Variants in DPYSL2 observed in about 807,000 individuals in gnomAD.
DPYSL2 encodes the protein dihydropyrimidinase like 2.
A neutral mutation model predicts 69.9 loss-of-function variants in DPYSL2; 13 were observed. That is an observed-to-expected ratio of 0.19 (90% confidence interval 0.12 to 0.30). DPYSL2 has a LOEUF of 0.30. Among genes scored for constraint, DPYSL2 ranks in the 10% least tolerant of loss-of-function variants. The pLI, the probability that DPYSL2 is intolerant of heterozygous loss-of-function variation, is 1.00. For synonymous variants in DPYSL2, 326 were observed against 359.1 expected (o/e 0.91, Z 1.04); for missense variants, 587 against 918.9 (o/e 0.64, Z 4.67).
Position 26,652,539 on chromosome 8 carries a change from AG to A in DPYSL2, c.1776+104del. ...TGAGACAGAATATTAAGATGAATTTAGTGGATTCCAGGGATAAGAGGGAGCC... is the reference window on the plus strand; with the variant it reads ...TGAGACAGAATATTAAGATGAATTTATGGATTCCAGGGATAAGAGGGAGCC... On this transcript the variant is annotated intron_variant, in intron 12 of 13. Coordinates refer to ENST00000521913, the MANE Select transcript of DPYSL2 (RefSeq NM_001197293.3). This position sits in a 1 kb window ranked among gnomAD's most constrained non-coding sequence, Gnocchi z 6.3. 1 of 1,283,402 alleles carries A rather than the reference AG, an allele frequency of 7.8e-7. No individual in the cohort carries two copies. Among genetic ancestry groups the A allele is most frequent in the South Asian group, 1.5e-5 (1 of 66,886 alleles). 79.5% of individuals were successfully genotyped at this position (1,283,402 alleles called of 1,614,324 possible).
intron 1 of DPYSL2, among the ~76,000 whole-genome samples, chr8:26,519,180 C>T (rs997674946): frequency 6.6e-6 from 1 of 152,148 alleles, no homozygotes; most frequent in African/African-American, 2.4e-5. Context: ...AGACAGGCCA[C>T]GTATTCCAGG....
rs61360009 is a variant in DPYSL2 at position 26,546,921 on chromosome 8, C to CAAAAAAAAAAAAA, written c.354+32260_354+32272dup. ...TGGGCGACTGAGGGAGACTCAGTCT[C>CAAAAAAAAAAAAA]AAAAAAAAAAAAAAAAAAAAAAAAA... On this transcript the variant is annotated intron_variant, in intron 1 of 13. Transcript: ENST00000521913. Among the ~76,000 whole-genome samples the CAAAAAAAAAAAAA allele has an allele frequency of 1.1e-4, 5 of 46,204 alleles. 1 individual carries two copies. The highest frequency in any genetic ancestry group is 5.6e-4 in the African/African-American group (5 of 8,880). The allele number at this position is 46,204 out of a possible 152,430, so 30.3% of individuals were successfully genotyped here.
rs778586936 is a variant in DPYSL2, at chr8:26,551,549, G to A, written c.355-30420G>A. ...ATCCAGCAGACAGAAAATCAGTAAG[G>A]ACATAACAGAACTAACACCATCAAC... On this transcript the variant is annotated intron_variant, in intron 1 of 13. Coordinates refer to ENST00000521913, the MANE Select transcript of DPYSL2 (RefSeq NM_001197293.3). Among the ~76,000 whole-genome samples the A allele has an allele frequency of 7.2e-5, 11 of 152,132 alleles. 1 individual carries two copies. The South Asian group carries it at 1.2e-3, about 17-fold the overall frequency.
At position 26,632,476 on chromosome 8, in the gene DPYSL2, G is replaced by A. The variant is rs190268432; in HGVS notation, c.1006-2304G>A. On this transcript the variant is annotated intron_variant, in intron 7 of 13. Coordinates refer to ENST00000521913, the MANE Select transcript of DPYSL2 (RefSeq NM_001197293.3). The stretch of plus-strand genomic sequence containing the variant: ...CGGGCACTTTCCAGCAGGCCTTGTA[G>A]AATGACAGATGTCCTGACACTGCTC... 6.6e-5 allele frequency among the ~76,000 whole-genome samples: 10 copies of A among 152,344 alleles called. No homozygotes were observed. In the East Asian group the frequency reaches 1.2e-3, roughly 18 times the overall value.
chr8:26,587,334 T>C lies in DPYSL2; in HGVS notation c.628+3351T>C, dbSNP rs1801629241. 6.6e-6 allele frequency among the ~76,000 whole-genome samples: 1 copy of C among 152,046 alleles called. No individual in the cohort carries two copies. Among genetic ancestry groups the C allele is most frequent in the African/African-American group, 2.4e-5 (1 of 41,410 alleles). On this transcript the variant is annotated intron_variant, in intron 3 of 13. Coordinates refer to ENST00000521913, the MANE Select transcript of DPYSL2 (RefSeq NM_001197293.3). This position sits in a 1 kb window ranked among gnomAD's most constrained non-coding sequence, Gnocchi z 4.2. ...AAATTGAAGTGAATTGGTACAAAAA[T>C]CTCCCTCTTCCTCCCAACTCCCCGC...
chr8:26,653,249 G>T lies in DPYSL2; in HGVS notation c.1794G>T (p.Gly598=). ...KARSRLAELR[G]VPRGLYDGPV... ...TTTTGCAGCTGGCTGAGCTGAGAGG[G>T]GTTCCTCGTGGCCTGTATGACGGAC... The change falls in exon 13 of 14, where the codon GGG becomes GGT. Residue 598 remains glycine, a synonymous_variant. Coordinates refer to ENST00000521913, the MANE Select transcript of DPYSL2 (RefSeq NM_001197293.3). This position sits in a 1 kb window ranked among gnomAD's most constrained non-coding sequence, Gnocchi z 5.7. The T allele has an allele frequency of 6.2e-7, 1 of 1,613,962 alleles. No homozygotes were observed. Among genetic ancestry groups the T allele is most frequent in the East Asian group, 2.2e-5 (1 of 44,862 alleles).
chr8:26,588,280 C>A lies in DPYSL2; in HGVS notation c.628+4297C>A, dbSNP rs922390489. On this transcript the variant is annotated intron_variant, in intron 3 of 13. Coordinates refer to ENST00000521913, the MANE Select transcript of DPYSL2 (RefSeq NM_001197293.3). This position sits in a 1 kb window ranked among gnomAD's most constrained non-coding sequence, Gnocchi z 5.4. ...GCAGGCGCTGTCTAGGCGTGGCTGG[C>A]GGACTGTGTGCTTTGTGTGTTGCTT... is the stretch of plus-strand genomic sequence containing the variant. Among the ~76,000 whole-genome samples the A allele has an allele frequency of 4.6e-5, 7 of 151,774 alleles. No homozygotes were observed. The highest frequency in any genetic ancestry group is 1.0e-4 in the Non-Finnish European group (7 of 67,728).
rs150129623 is a variant in DPYSL2 at position 26,596,756 on chromosome 8, C to A, written c.628+12773C>A. Among the ~76,000 whole-genome samples, 618 of 152,340 alleles carry A rather than the reference C, an allele frequency of 4.1e-3. 4 individuals carry two copies. Among genetic ancestry groups the A allele is most frequent in the African/African-American group, 0.014 (587 of 41,560 alleles). Reference sequence around the variant, plus strand: ...CCTGAAGCCACAGAGCCTGCAAGTGCGAGGGCTGGGATTCCAATCCAAGCT... The same window carrying A: ...CCTGAAGCCACAGAGCCTGCAAGTGAGAGGGCTGGGATTCCAATCCAAGCT... On this transcript the variant is annotated intron_variant, in intron 3 of 13. Coordinates refer to ENST00000521913, the MANE Select transcript of DPYSL2 (RefSeq NM_001197293.3).
Position 26,642,302 on chromosome 8 carries a change from G to C in DPYSL2, c.1127-1137G>C, listed in dbSNP as rs943781841. Among the ~76,000 whole-genome samples the C allele has an allele frequency of 6.6e-6, 1 of 152,206 alleles. No homozygotes were observed. The highest frequency in any genetic ancestry group is 2.4e-5 in the African/African-American group (1 of 41,446). On this transcript the variant is annotated intron_variant, in intron 8 of 13. Coordinates refer to ENST00000521913, the MANE Select transcript of DPYSL2 (RefSeq NM_001197293.3). The surrounding 1 kb of genome is among the most constrained non-coding windows in gnomAD (Gnocchi z 5.3). ...GGAGGATGGGATTCTCAGGTGAAGG[G>C]TGTGAGACCCGAGTTGTGTTTTGGA...
At chr8:26,625,518 C>A (rs537390538) in intron 4 of DPYSL2, among the ~76,000 whole-genome samples, 1 of 152,052 alleles carries the variant, frequency 6.6e-6, no homozygotes, top group African/African-American at 2.4e-5. Context: ...TCCAAGGCTG[C>A]GAGGTTGTCA....
In DPYSL2 at chr8:26,514,718, C is replaced by A. The variant is rs1808245815; in HGVS notation, c.354+39C>A. The A allele has an allele frequency of 1.9e-6, 2 of 1,045,794 alleles. No homozygotes were observed. Among genetic ancestry groups the A allele is most frequent in the Non-Finnish European group, 2.5e-6 (2 of 792,856 alleles). 64.8% of individuals were successfully genotyped at this position (1,045,794 alleles called of 1,614,324 possible). ...TTGGGGGTGGAGACGGAGGACGGGG[C>A]GCGGGGATCGCCCCTCCCTCGCCCC... On this transcript the variant is annotated intron_variant, in intron 1 of 13. Coordinates refer to ENST00000521913, the MANE Select transcript of DPYSL2 (RefSeq NM_001197293.3). This position sits in a 1 kb window ranked among gnomAD's most constrained non-coding sequence, Gnocchi z 8.4.
intron 3 of DPYSL2, among the ~76,000 whole-genome samples, chr8:26,611,444 CAGG>C (rs938150139): frequency 3.9e-5 from 6 of 152,120 alleles, no homozygotes; most frequent in African/African-American, 1.4e-4. Context: ...GTGGTGGGGC[CAGG>C]AGAAGTCACT....
At position 26,564,480 on chromosome 8, in the gene DPYSL2, C is replaced by CTG. The variant is rs1417205591; in HGVS notation, c.355-17488_355-17487insGT. On this transcript the variant is annotated intron_variant, in intron 1 of 13. Coordinates refer to ENST00000521913, the MANE Select transcript of DPYSL2 (RefSeq NM_001197293.3). The surrounding 1 kb of genome is among the most constrained non-coding windows in gnomAD (Gnocchi z 4.8). Reference sequence around the variant, plus strand: ...AAACAGCATGGATTTGGGAATAATCCTTGAATGGGCTGACGTCTTCCTGTG... The same window carrying CTG: ...AAACAGCATGGATTTGGGAATAATCCTGTTGAATGGGCTGACGTCTTCCTGTG... Among the ~76,000 whole-genome samples, 6 of 152,122 alleles carry CTG rather than the reference C, an allele frequency of 3.9e-5. No homozygotes were observed. Among genetic ancestry groups the CTG allele is most frequent in the African/African-American group, 1.2e-4 (5 of 41,402 alleles).
intron 1 of DPYSL2, among the ~76,000 whole-genome samples, chr8:26,534,267 A>G (rs73226133): frequency 0.012 from 1,885 of 152,182 alleles, 23 homozygotes; most frequent in Middle Eastern, 0.034. Context: ...TGGAGCCTCC[A>G]TCTCCTAGGC....
chr8:26,537,406 C>T (rs975440896), intron 1 of DPYSL2, among the ~76,000 whole-genome samples: 1 of 152,090 alleles, frequency 6.6e-6, no homozygotes, highest in Non-Finnish European at 1.5e-5. Flanking sequence ...TTTGTCATAT[C>T]TACCTATAAC....
chr8:26,562,199 AC>A lies in DPYSL2; in HGVS notation c.355-19769del, dbSNP rs1801083273. Among the ~76,000 whole-genome samples the A allele has an allele frequency of 6.6e-5, 10 of 152,324 alleles. No individual in the cohort carries two copies. In the East Asian group the frequency reaches 1.9e-3, roughly 29 times the overall value. ...GCAGGGCTTGATTCCTGGCTCTGCC[AC>A]GTGTGAGTTTTGGGTCCTGGGGAAA... On this transcript the variant is annotated intron_variant, in intron 1 of 13. Transcript: ENST00000521913. The surrounding 1 kb of genome is among the most constrained non-coding windows in gnomAD (Gnocchi z 4.9).
At chr8:26,603,999 G>A (rs1283506939) in intron 3 of DPYSL2, among the ~76,000 whole-genome samples, 1 of 152,124 alleles carries the variant, frequency 6.6e-6, no homozygotes, top group Non-Finnish European at 1.5e-5. Context: ...GTGTGTGCCC[G>A]TAAATGGAAT....
chr8:26,526,821 G>A (rs140300940), intron 1 of DPYSL2, among the ~76,000 whole-genome samples: 3 of 152,342 alleles, frequency 2.0e-5, no homozygotes, highest in East Asian at 1.9e-4. Flanking sequence ...TCCATGGGGC[G>A]CCTCTGTCCA....
Position 26,560,472 on chromosome 8 carries a change from G to A in DPYSL2, c.355-21497G>A, listed in dbSNP as rs915392251. On this transcript the variant is annotated intron_variant, in intron 1 of 13. Transcript: ENST00000521913. The surrounding 1 kb of genome is among the most constrained non-coding windows in gnomAD (Gnocchi z 4.4). ...TCTGGACCTCCATTTACTCGATGTTGAAGGCAGACATAAATGAGTTTGTCC... is the reference window on the plus strand; with the variant it reads ...TCTGGACCTCCATTTACTCGATGTTAAAGGCAGACATAAATGAGTTTGTCC... Among the ~76,000 whole-genome samples, 1 of 152,164 alleles carries A rather than the reference G, an allele frequency of 6.6e-6. No individual in the cohort carries two copies. Among genetic ancestry groups the A allele is most frequent in the Non-Finnish European group, 1.5e-5 (1 of 68,024 alleles).
Sources: allele counts gnomAD v4.1 joint callset (sites outside exome capture counted in the v4.1 genomes callset), GRCh38; gene constraint gnomAD v4.1.1; non-coding constraint Gnocchi (gnomAD v3.1); transcripts MANE v1.5; gene names NCBI Gene and HGNC (gene_info 2026-07-23, HGNC 2026-07-21).